The following TCF4 variants were observed in gnomAD, a reference collection of about 807,000 sequenced individuals.
The protein encoded by TCF4 is SL3-3 enhancer factor 2.
TCF4 carries 3 observed loss-of-function variants against 82.1 expected under a neutral mutation model. The observed-to-expected ratio is 0.04, with a 90% CI of 0.02 to 0.09. TCF4 has a LOEUF of 0.09. Among genes scored for constraint, TCF4 ranks in the 10% least tolerant of loss-of-function variants. The pLI is 1.00. For synonymous variants in TCF4, 276 were observed against 309.6 expected (o/e 0.89, Z 1.14); for missense variants, 518 against 852.7 (o/e 0.61, Z 4.89).
chr18:55,452,487 C>T (rs1184218265), intron 5 of TCF4: 2 of 152,262 alleles, frequency 1.3e-5, no homozygotes, highest in African/African-American at 4.8e-5. Flanking sequence ...GCAGCATGTC[C>T]CAGGGACGTG....
At chr18:55,589,107 A>AC (rs1012670089), upstream of TCF4, among the ~76,000 whole-genome samples, 2 of 152,174 alleles carry the variant, frequency 1.3e-5, no homozygotes, top group African/African-American at 2.4e-5. Context: ...TGAAAAAAAA[A>AC]ACACACATTC....
intron 3 of TCF4, among the ~76,000 whole-genome samples, chr18:55,484,194 T>A (rs765459254): frequency 6.6e-6 from 1 of 152,230 alleles, no homozygotes; most frequent in Non-Finnish European, 1.5e-5. Flanking sequence ...GAAAAAGTTA[T>A]ATTTCCTCTT....
intron 8 of TCF4, among the ~76,000 whole-genome samples, chr18:55,339,683 C>T (rs182997178): frequency 6.6e-6 from 1 of 152,266 alleles, no homozygotes; most frequent in Non-Finnish European, 1.5e-5. Context: ...ACACCTCCCC[C>T]CTCCCTACTT....
At chr18:55,448,902 C>T (rs1257064240) in intron 5 of TCF4, among the ~76,000 whole-genome samples, 4 of 152,192 alleles carry the variant, frequency 2.6e-5, no homozygotes, top group Non-Finnish European at 5.9e-5. Context: ...GGCAAAATCT[C>T]ATTAACTATT....
rs2046723681 is a variant in TCF4 at position 55,227,312 on chromosome 18, T to C, written c.*723A>G. The C allele has an allele frequency of 6.6e-6, 1 of 150,984 alleles. No homozygotes were observed. The highest frequency in any genetic ancestry group is 2.4e-5 in the African/African-American group (1 of 41,244). 9.4% of individuals were successfully genotyped at this position (150,984 alleles called of 1,614,324 possible). On this transcript the variant is annotated 3_prime_UTR_variant, in exon 20 of 20. Transcript: ENST00000354452. The stretch of plus-strand genomic sequence containing the variant: ...TTTAAAAAAGTTAATCAGTACTATT[T>C]TTTTACAGGAGAAAAAAGTCTGAAA...
chr18:55,400,041 A>C (rs994231691), intron 6 of TCF4, among the ~76,000 whole-genome samples: 4 of 152,098 alleles, frequency 2.6e-5, no homozygotes, highest in Non-Finnish European at 4.4e-5. Flanking sequence ...AATAACAAGT[A>C]TTTGTTTTGA....
At chr18:55,380,344 C>A (rs1014494670) in intron 6 of TCF4, among the ~76,000 whole-genome samples, 2 of 151,856 alleles carry the variant, frequency 1.3e-5, no homozygotes, top group Non-Finnish European at 2.9e-5. Flanking sequence ...TGGGTATACA[C>A]GTGCCATGGT....
intron 3 of TCF4, among the ~76,000 whole-genome samples, chr18:55,575,142 T>C (rs1162906094): frequency 1.3e-5 from 2 of 152,138 alleles, no homozygotes; most frequent in Non-Finnish European, 2.9e-5. Flanking sequence ...AGAAAAAGAA[T>C]AATAAGATGT....
At chr18:55,433,551 G>C (rs1162312755) in intron 5 of TCF4, among the ~76,000 whole-genome samples, 2 of 152,214 alleles carry the variant, frequency 1.3e-5, no homozygotes, top group Admixed American at 1.3e-4. Flanking sequence ...CAGATACAAA[G>C]ACCAGACATT....
At chr18:55,290,969 CATT>C (rs2064959396) in intron 8 of TCF4, among the ~76,000 whole-genome samples, 1 of 152,134 alleles carries the variant, frequency 6.6e-6, no homozygotes, top group Non-Finnish European at 1.5e-5. Context: ...TATCATTAGT[CATT>C]ATTAAAAGTT....
chr18:55,523,359 C>A (rs985650846), intron 3 of TCF4, among the ~76,000 whole-genome samples: 2 of 151,676 alleles, frequency 1.3e-5, no homozygotes, highest in Non-Finnish European at 1.5e-5. Context: ...AACAGAAAAA[C>A]CATAGTAGTT....
chr18:55,453,228 C>A (rs148192664), intron 5 of TCF4, among the ~76,000 whole-genome samples: 19 of 38,360 alleles, frequency 5.0e-4, no homozygotes, highest in African/African-American at 1.3e-3. Context: ...GAACTTGACA[C>A]AAGAAGCTGT....
intron 2 of TCF4, among the ~76,000 whole-genome samples, chr18:55,601,457 C>T (rs937907355): frequency 1.3e-4 from 13 of 103,286 alleles, no homozygotes; most frequent in African/African-American, 5.4e-4. Flanking sequence ...TTTTACATTC[C>T]ATAACTGAGA....
Position 55,464,063 on chromosome 18 carries a change from T to C in TCF4, c.207+13A>G, listed in dbSNP as rs200824801. The C allele has an allele frequency of 7.1e-5, 114 of 1,613,262 alleles. No individual in the cohort carries two copies. The African/African-American group carries it at 9.9e-4, about 14-fold the overall frequency. ...GATGTCTGGTTGTGGGAGAAAAGATTAGATATACTTACCCTGGACGGGCTT... is the reference window on the plus strand; with the variant it reads ...GATGTCTGGTTGTGGGAGAAAAGATCAGATATACTTACCCTGGACGGGCTT... On this transcript the variant is annotated intron_variant, in intron 4 of 19. Coordinates refer to ENST00000354452, the MANE Select transcript of TCF4 (RefSeq NM_001083962.2).
At chr18:55,247,245 T>C (rs750309407) in intron 15 of TCF4, among the ~76,000 whole-genome samples, 2 of 152,184 alleles carry the variant, frequency 1.3e-5, no homozygotes, top group African/African-American at 4.8e-5. Context: ...AAATATTGTA[T>C]TGGTGGCTTT....
intron 6 of TCF4, among the ~76,000 whole-genome samples, chr18:55,385,420 G>A (rs1291462174): frequency 6.6e-6 from 1 of 152,014 alleles, no homozygotes; most frequent in African/African-American, 2.4e-5. Flanking sequence ...AACTTTTTTT[G>A]TTAGATGGTT....
intron 10 of TCF4, among the ~76,000 whole-genome samples, chr18:55,273,615 C>T (rs2060845790): frequency 6.6e-6 from 1 of 152,066 alleles, no homozygotes; most frequent in Non-Finnish European, 1.5e-5. Context: ...CATTAGTATA[C>T]ATTGCAAGAT....
intron 12 of TCF4, among the ~76,000 whole-genome samples, chr18:55,260,232 G>T (rs2057751034): frequency 1.3e-5 from 2 of 152,170 alleles, no homozygotes; most frequent in African/African-American, 2.4e-5. Flanking sequence ...GATGTGGTAT[G>T]GGATGGTGGG....
chr18:55,567,802 A>G (rs2097423116), intron 3 of TCF4, among the ~76,000 whole-genome samples: 1 of 152,200 alleles, frequency 6.6e-6, no homozygotes, highest in African/African-American at 2.4e-5. Flanking sequence ...TCTGAAGCAC[A>G]CAATGGAACT....
Sources: gnomAD v4.1 joint callset for allele counts (sites outside exome capture counted in the v4.1 genomes callset) on GRCh38, gnomAD v4.1.1 for gene constraint, MANE v1.5 for transcripts, NCBI Gene and HGNC (gene_info 2026-07-23, HGNC 2026-07-21) for gene names.